Variants in PDGFC observed in about 807,000 individuals in gnomAD.
PDGFC encodes the protein platelet derived growth factor C.
PDGFC carries 12 observed loss-of-function variants against 35.5 expected under a neutral mutation model. The ratio of observed to expected loss-of-function variants is 0.34; its 90% CI spans 0.22 to 0.55. PDGFC has a LOEUF of 0.55. Ranked by LOEUF, PDGFC falls within the 20% of genes least tolerant of loss-of-function variation. PDGFC has a pLI of 0.91. For missense variants in PDGFC, 322 were observed against 412.4 expected, an observed-to-expected ratio of 0.78 and a Z score of 1.90; for synonymous variants, 159 against 148.8, an observed-to-expected ratio of 1.07 and a Z score of -0.50.
chr4:156,843,799 T>C (rs1729262471), intron 2 of PDGFC, among the ~76,000 whole-genome samples: 1 of 152,100 alleles, frequency 6.6e-6, no homozygotes, highest in African/African-American at 2.4e-5. Context: ...AGTTCACTGT[T>C]TACAGTAACT....
intron 1 of PDGFC, among the ~76,000 whole-genome samples, chr4:156,859,672 G>C (rs981789580): frequency 6.6e-6 from 1 of 151,940 alleles, no homozygotes; most frequent in East Asian, 1.9e-4. Flanking sequence ...AACAATTTTT[G>C]TCAATCTTAA....
chr4:156,883,088 A>C (rs543468846), intron 1 of PDGFC, among the ~76,000 whole-genome samples: 16 of 151,350 alleles, frequency 1.1e-4, no homozygotes, highest in African/African-American at 3.1e-4. Flanking sequence ...TGTCTCCAAA[A>C]AAAAAAAAAA....
At chr4:156,806,779 G>A (rs970362363) in intron 3 of PDGFC, among the ~76,000 whole-genome samples, 1 of 151,854 alleles carries the variant, frequency 6.6e-6, no homozygotes, top group African/African-American at 2.4e-5. Flanking sequence ...GCCTTTTTAG[G>A]TTTCTTATCA....
intron 1 of PDGFC, among the ~76,000 whole-genome samples, chr4:156,906,304 T>C (rs955222422): frequency 5.3e-5 from 8 of 152,282 alleles, no homozygotes; most frequent in Middle Eastern, 3.4e-3. Flanking sequence ...ATTTCAATTA[T>C]ATCCATTGTT....
intron 1 of PDGFC, among the ~76,000 whole-genome samples, chr4:156,891,506 A>C (rs1206701378): frequency 6.6e-6 from 1 of 152,148 alleles, no homozygotes; most frequent in Non-Finnish European, 1.5e-5. Context: ...AAAATTTTTA[A>C]GACTAGCATG....
intron 3 of PDGFC, among the ~76,000 whole-genome samples, chr4:156,791,504 TA>T (rs566311067): frequency 0.031 from 4,443 of 145,218 alleles, 76 homozygotes; most frequent in Admixed American, 0.066. Flanking sequence ...TAGGACAGTT[TA>T]AAAAAAAAAA....
chr4:156,778,823 A>G (rs1730897261), intron 3 of PDGFC, among the ~76,000 whole-genome samples: 1 of 152,236 alleles, frequency 6.6e-6, no homozygotes, highest in South Asian at 2.1e-4. Context: ...ATTAGGGCCT[A>G]CAAAGATTTA....
intron 1 of PDGFC, among the ~76,000 whole-genome samples, chr4:156,943,165 A>G (rs1033398282): frequency 6.6e-6 from 1 of 151,902 alleles, no homozygotes; most frequent in Non-Finnish European, 1.5e-5. Flanking sequence ...GTCTGGCTCA[A>G]CCCCCCGGTG....
In PDGFC at chr4:156,826,173, G is replaced by GAT. The variant is rs1314755847; in HGVS notation, c.315-15158_315-15157dup. 9.8e-3 allele frequency among the ~76,000 whole-genome samples: 745 copies of GAT among 75,992 alleles called. 14 individuals carry two copies. Among genetic ancestry groups the GAT allele is most frequent in the South Asian group, 0.09 (155 of 1,722 alleles). 49.9% of individuals were successfully genotyped at this position (75,992 alleles called of 152,430 possible). ...AGCCACCATATCCAGCTTTGAGTTG[G>GAT]ATTTTTTTTTTTTTTTTTTTTTTTT... is the stretch of plus-strand genomic sequence containing the variant. On this transcript the variant is annotated intron_variant, in intron 2 of 5. Transcript: ENST00000502773.
intron 1 of PDGFC, among the ~76,000 whole-genome samples, chr4:156,955,617 T>C (rs1732190307): frequency 6.6e-6 from 1 of 151,960 alleles, no homozygotes; most frequent in South Asian, 2.1e-4. Context: ...TCAAACCTGA[T>C]TAATTTATGA....
intron 2 of PDGFC, among the ~76,000 whole-genome samples, chr4:156,825,777 C>T (rs76432320): frequency 0.062 from 9,462 of 151,746 alleles, 393 homozygotes; most frequent in Middle Eastern, 0.12. Context: ...CTGTTTTCCT[C>T]TCAACTAAAT....
chr4:156,865,584 T>C (rs1488201477), intron 1 of PDGFC, among the ~76,000 whole-genome samples: 1 of 152,134 alleles, frequency 6.6e-6, no homozygotes, highest in Non-Finnish European at 1.5e-5. Context: ...TGAATTATCT[T>C]AAAGCTATAC....
chr4:156,770,981 G>C (rs1458865827), intron 4 of PDGFC, among the ~76,000 whole-genome samples: 1 of 152,130 alleles, frequency 6.6e-6, no homozygotes, highest in Non-Finnish European at 1.5e-5. Context: ...CAGGAGGGGA[G>C]TTGGTTTTGT....
At chr4:156,936,385 T>C (rs769294835) in intron 1 of PDGFC, among the ~76,000 whole-genome samples, 3 of 152,214 alleles carry the variant, frequency 2.0e-5, no homozygotes, top group Non-Finnish European at 4.4e-5. Context: ...CCTCCACCTC[T>C]CAACTCATTC....
At chr4:156,833,743 T>G (rs1001688010) in intron 2 of PDGFC, among the ~76,000 whole-genome samples, 1 of 152,320 alleles carries the variant, frequency 6.6e-6, no homozygotes, top group Middle Eastern at 3.4e-3. Flanking sequence ...TCTCTACAAT[T>G]TACTTGCTCT....
Position 156,884,636 on chromosome 4 carries a change from C to T in PDGFC, c.119-34220G>A, listed in dbSNP as rs545350063. Among the ~76,000 whole-genome samples the T allele has an allele frequency of 9.2e-5, 14 of 152,232 alleles. No homozygotes were observed. In the South Asian group the frequency reaches 2.3e-3, roughly 25 times the overall value. On this transcript the variant is annotated intron_variant, in intron 1 of 5. Coordinates refer to ENST00000502773, the MANE Select transcript of PDGFC (RefSeq NM_016205.3). ...GAAAAATTTCAATATTTGTATTTGT[C>T]CACATTATCTTTGAACACATTTTAC...
chr4:156,911,764 A>C (rs1731045400), intron 1 of PDGFC, among the ~76,000 whole-genome samples: 1 of 152,162 alleles, frequency 6.6e-6, no homozygotes. Flanking sequence ...AAAGCTAATT[A>C]ATCTGAAAAG....
At chr4:156,853,609 G>A (rs1393961202) in intron 1 of PDGFC, among the ~76,000 whole-genome samples, 1 of 152,040 alleles carries the variant, frequency 6.6e-6, no homozygotes, top group Non-Finnish European at 1.5e-5. Context: ...TATCTCCTAA[G>A]AATACAGAAG....
At chr4:156,878,920 C>T (rs1398167454) in intron 1 of PDGFC, among the ~76,000 whole-genome samples, 1 of 152,108 alleles carries the variant, frequency 6.6e-6, no homozygotes, top group African/African-American at 2.4e-5. Context: ...CTTTATGTGT[C>T]CAAAGACTAC....
Sources: allele counts gnomAD v4.1 joint callset (sites outside exome capture counted in the v4.1 genomes callset), GRCh38; gene constraint gnomAD v4.1.1; transcripts MANE v1.5; gene names NCBI Gene and HGNC (gene_info 2026-07-23, HGNC 2026-07-21).